The following DHRSX variants were observed in gnomAD, a reference collection of about 807,000 sequenced individuals.
The protein encoded by DHRSX is dehydrogenase/reductase X-linked, also known as polyprenol dehydrogenase.
DHRSX carries 31 observed loss-of-function variants against 34.0 expected under a neutral mutation model. The observed-to-expected ratio is 0.91, with a 90% CI of 0.69 to 1.23. DHRSX has a LOEUF of 1.23. Among genes scored for constraint, DHRSX ranks in the 50% most tolerant of loss-of-function variants. The probability of loss-of-function intolerance (pLI) is 0.00; values close to 1 mark genes in which losing one functional copy is unlikely to be tolerated. For missense variants in DHRSX, 414 were observed against 428.1 expected (o/e 0.97, Z 0.29); for synonymous variants, 201 against 183.8 (o/e 1.09, Z -0.76).
rs948624207 is a variant in DHRSX, at chrX:2,374,671, G to A, written c.286+34074C>T. On this transcript the variant is annotated intron_variant, in intron 3 of 6. Transcript: ENST00000334651. Reference sequence around the variant, plus strand: ...GGAGAATTGCTGGAACCCGGGAGGCGGAGGTTGCAGTGAGCCGAGATCACG... The same window carrying A: ...GGAGAATTGCTGGAACCCGGGAGGCAGAGGTTGCAGTGAGCCGAGATCACG... Among the ~76,000 whole-genome samples the A allele has an allele frequency of 8.7e-5, 12 of 137,376 alleles. 1 individual carries two copies. Among genetic ancestry groups the A allele is most frequent in the African/African-American group, 2.5e-4 (10 of 40,560 alleles). 90.1% of individuals were successfully genotyped at this position (137,376 alleles called of 152,430 possible). A position where few individuals can be genotyped will look rare whatever the true frequency, so the allele number is the denominator to read the frequency against.
At chrX:2,465,827 G>GAGAAAAGAAA (rs2044486445) in intron 1 of DHRSX, among the ~76,000 whole-genome samples, 2 of 134,292 alleles carry the variant, frequency 1.5e-5, no homozygotes, top group Non-Finnish European at 3.2e-5. Context: ...AAAAAAAAAA[G>GAGAAAAGAAA]AGAAAAGAAA....
chrX:2,262,081 G>A (rs2041371097), intron 5 of DHRSX, among the ~76,000 whole-genome samples: 2 of 152,154 alleles, frequency 1.3e-5, no homozygotes, highest in African/African-American at 4.8e-5. Flanking sequence ...AGCCCCGAGT[G>A]GGCATCAGGG....
Position 2,370,719 on chromosome X carries a change from C to G in DHRSX, c.286+38026G>C, listed in dbSNP as rs534578688. Among the ~76,000 whole-genome samples the G allele has an allele frequency of 1.1e-4, 17 of 152,202 alleles. 1 individual carries two copies. The highest frequency in any genetic ancestry group is 3.9e-4 in the African/African-American group (16 of 41,552). ...CCCTTCAGGGATGGACTGAATTCCTCGTCTTCCTTGACCTGAACAAAATTC... is the reference window on the plus strand; with the variant it reads ...CCCTTCAGGGATGGACTGAATTCCTGGTCTTCCTTGACCTGAACAAAATTC... On this transcript the variant is annotated intron_variant, in intron 3 of 6. Coordinates refer to ENST00000334651, the MANE Select transcript of DHRSX (RefSeq NM_145177.3).
At chrX:2,462,228 A>C (rs1241279788) in intron 1 of DHRSX, among the ~76,000 whole-genome samples, 1 of 151,928 alleles carries the variant, frequency 6.6e-6, no homozygotes, top group Admixed American at 6.6e-5. Context: ...AAAAAAGAAC[A>C]GTAGAGCAGT....
intron 1 of DHRSX, among the ~76,000 whole-genome samples, chrX:2,439,408 A>C (rs1478300769): frequency 1.3e-5 from 2 of 152,114 alleles, no homozygotes; most frequent in African/African-American, 4.8e-5. Flanking sequence ...CCTTCAATCC[A>C]TACTCTGACA....
In DHRSX at chrX:2,288,940, T is replaced by C. The variant is rs183006193; in HGVS notation, c.388+2562A>G. ...GAGAATCCTAGGAATGCAATAGCCA[T>C]TTCAAAAGGTAAACGTGGTGGTTGA... On this transcript the variant is annotated intron_variant, in intron 4 of 6. Coordinates refer to ENST00000334651, the MANE Select transcript of DHRSX (RefSeq NM_145177.3). Among the ~76,000 whole-genome samples, 1,437 of 152,284 alleles carry C rather than the reference T, an allele frequency of 9.4e-3. 21 individuals carry two copies. The highest frequency in any genetic ancestry group is 0.03 in the African/African-American group (1,242 of 41,548).
At chrX:2,236,073 T>C (rs1288901328) in intron 6 of DHRSX, among the ~76,000 whole-genome samples, 3 of 151,254 alleles carry the variant, frequency 2.0e-5, no homozygotes, top group East Asian at 3.9e-4. Context: ...GATCGCGCCA[T>C]TGTACTCCAG....
intron 1 of DHRSX, chrX:2,490,632 C>T (rs1354790140): frequency 1.9e-6 from 3 of 1,613,808 alleles, no homozygotes; most frequent in African/African-American, 1.3e-5. Context: ...GTGTCGAAGC[C>T]GAAATACTTC....
chrX:2,330,972 G>A (rs2042465219), intron 3 of DHRSX, among the ~76,000 whole-genome samples: 1 of 152,166 alleles, frequency 6.6e-6, no homozygotes, highest in South Asian at 2.1e-4. Context: ...ACACGTCCAA[G>A]GAGACAATGT....
At chrX:2,324,806 T>A (rs1294404320) in intron 3 of DHRSX, among the ~76,000 whole-genome samples, 1 of 149,162 alleles carries the variant, frequency 6.7e-6, no homozygotes, top group African/African-American at 2.5e-5. Context: ...TCCCGCTCTG[T>A]CGCCCAGGCT....
intron 3 of DHRSX, among the ~76,000 whole-genome samples, chrX:2,371,462 C>CT (rs1472722510): frequency 6.7e-6 from 1 of 149,900 alleles, no homozygotes; most frequent in Non-Finnish European, 1.5e-5. Context: ...ATAGTCCCTC[C>CT]TCGTTACCAT....
chrX:2,415,098 C>G (rs1307967538), intron 2 of DHRSX, among the ~76,000 whole-genome samples: 1 of 151,858 alleles, frequency 6.6e-6, no homozygotes, highest in Non-Finnish European at 1.5e-5. Flanking sequence ...TAACCTAATA[C>G]AACTAGATCT....
chrX:2,303,781 ATGGATGGATGGGTGGGTGGGTGGG>A (rs2042046107), intron 3 of DHRSX, among the ~76,000 whole-genome samples: 2 of 50,860 alleles, frequency 3.9e-5, no homozygotes, highest in Admixed American at 4.4e-4. Flanking sequence ...AAATGGATGG[ATGGATGGATGGGTGGGTGGGTGGG>A]TGGATGGGTG....
At chrX:2,423,140 C>G (rs1305892691) in intron 2 of DHRSX, among the ~76,000 whole-genome samples, 2 of 150,162 alleles carry the variant, frequency 1.3e-5, no homozygotes, top group Non-Finnish European at 3.0e-5. Flanking sequence ...GGGCCAGGCA[C>G]GGTGGTTCAT....
At chrX:2,342,460 G>A (rs2042652915) in intron 3 of DHRSX, among the ~76,000 whole-genome samples, 4 of 151,908 alleles carry the variant, frequency 2.6e-5, no homozygotes. Flanking sequence ...TGAGTTCGAC[G>A]GTGCCCAGCA....
At chrX:2,275,691 A>G (rs1017391890) in intron 4 of DHRSX, among the ~76,000 whole-genome samples, 20 of 151,690 alleles carry the variant, frequency 1.3e-4, no homozygotes, top group African/African-American at 3.9e-4. Flanking sequence ...ATTACCATAG[A>G]TTTAATTTGC....
chrX:2,246,030 C>G (rs1569479192), intron 5 of DHRSX, among the ~76,000 whole-genome samples: 1 of 150,510 alleles, frequency 6.6e-6, no homozygotes, highest in Admixed American at 6.6e-5. Flanking sequence ...CCACGTTGCA[C>G]ACGTCATCAG....
chrX:2,221,931 C>A (rs2015530394), intron 6 of DHRSX, among the ~76,000 whole-genome samples: 1 of 152,056 alleles, frequency 6.6e-6, no homozygotes, highest in African/African-American at 2.4e-5. Flanking sequence ...ACCTTCAGAG[C>A]TAGGATGCAA....
chrX:2,427,485 C>T (rs1448457638), intron 1 of DHRSX, among the ~76,000 whole-genome samples: 3 of 152,182 alleles, frequency 2.0e-5, no homozygotes, highest in Non-Finnish European at 4.4e-5. Flanking sequence ...GGGGGAGCTC[C>T]GCCACAGTTC....
Sources: allele counts gnomAD v4.1 joint callset (sites outside exome capture counted in the v4.1 genomes callset), GRCh38; gene constraint gnomAD v4.1.1; transcripts MANE v1.5; gene names NCBI Gene and HGNC (gene_info 2026-07-23, HGNC 2026-07-21).